Variants in PXK observed in about 807,000 individuals in gnomAD.
PXK encodes the protein PX domain-containing protein kinase-like protein.
Under a neutral mutation model 84.7 loss-of-function variants are expected in PXK, and 35 were observed. That is an observed-to-expected ratio of 0.41 (90% CI 0.32 to 0.55). The LOEUF is 0.55. Ranked by LOEUF, PXK falls within the 20% of genes least tolerant of loss-of-function variation. The pLI, the probability that PXK is intolerant of heterozygous loss-of-function variation, is 0.21. For synonymous variants in PXK, 253 were observed against 260.8 expected (o/e 0.97, Z 0.29); for missense variants, 634 against 699.7 (o/e 0.91, Z 1.06).
chr3:58,363,357 GTC>G, intron 1 of PXK, among the ~76,000 whole-genome samples: 1 of 152,170 alleles, frequency 6.6e-6, no homozygotes, highest in African/African-American at 2.4e-5. Context: ...TAATGACTGG[GTC>G]TCTCTCTTTT....
Position 58,379,472 on chromosome 3 carries a change from TA to T in PXK, c.202-3041del, listed in dbSNP as rs2098477547. ...ATTCTGGCAAAAAGGAGTCCTGGGA[TA>T]CCTCTGAAGTGTGGCCCTTAAATCC... is the stretch of plus-strand genomic sequence containing the variant. On this transcript the variant is annotated intron_variant, in intron 3 of 17. Transcript: ENST00000356151. The surrounding 1 kb of genome is among the most constrained non-coding windows in gnomAD (Gnocchi z 5.1). 6.2e-6 allele frequency: 1 copy of T among 160,506 alleles called. No homozygotes were observed. Among genetic ancestry groups the T allele is most frequent in the African/African-American group, 2.4e-5 (1 of 41,514 alleles). The allele number at this position is 160,506 out of a possible 1,614,324, so 9.9% of individuals were successfully genotyped here.
rs940486531 is a variant in PXK, at chr3:58,398,959, C to T, written c.1103-340C>T. Among the ~76,000 whole-genome samples the T allele has an allele frequency of 4.6e-5, 7 of 152,198 alleles. No individual in the cohort carries two copies. Among genetic ancestry groups the T allele is most frequent in the Admixed American group, 3.3e-4 (5 of 15,272 alleles). Reference sequence around the variant, plus strand: ...AGCAGGCAAGCAGCAAAATGTCTTTCAAGTTCAGAATTTTACTTCTGTGTA... The same window carrying T: ...AGCAGGCAAGCAGCAAAATGTCTTTTAAGTTCAGAATTTTACTTCTGTGTA... On this transcript the variant is annotated intron_variant, in intron 11 of 17. Coordinates refer to ENST00000356151, the MANE Select transcript of PXK (RefSeq NM_017771.5). The surrounding 1 kb of genome is among the most constrained non-coding windows in gnomAD (Gnocchi z 4.5).
intron 2 of PXK, among the ~76,000 whole-genome samples, chr3:58,367,135 A>G (rs1193111879): frequency 6.6e-6 from 1 of 152,192 alleles, no homozygotes; most frequent in Non-Finnish European, 1.5e-5. Context: ...GTGGGGTTGT[A>G]GGGGCAGAGA....
rs2061867141 is a variant in PXK at position 58,421,582 on chromosome 3, A to G, written c.1529-3170A>G. On this transcript the variant is annotated intron_variant, in intron 17 of 17. Transcript: ENST00000356151. The surrounding 1 kb of genome is among the most constrained non-coding windows in gnomAD (Gnocchi z 5.5). ...GCAACAGAGCGAGACTCCATCTCAGAAAAAAAGGAACTGGAGGGAGGGACC... is the reference window on the plus strand; with the variant it reads ...GCAACAGAGCGAGACTCCATCTCAGGAAAAAAGGAACTGGAGGGAGGGACC... 2.0e-6 allele frequency: 2 copies of G among 986,332 alleles called. No homozygotes were observed. Among genetic ancestry groups the G allele is most frequent in the African/African-American group, 1.7e-5 (1 of 57,252 alleles). The allele number at this position is 986,332 out of a possible 1,614,324, so 61.1% of individuals were successfully genotyped here. A position where few individuals can be genotyped will look rare whatever the true frequency, so the allele number is the denominator to read the frequency against.
At position 58,401,611 on chromosome 3, in the gene PXK, G is replaced by A. The variant is rs959521357; in HGVS notation, c.1181+2234G>A. On this transcript the variant is annotated intron_variant, in intron 12 of 17. Coordinates refer to ENST00000356151, the MANE Select transcript of PXK (RefSeq NM_017771.5). This position sits in a 1 kb window ranked among gnomAD's most constrained non-coding sequence, Gnocchi z 4.4. ...ACTGCACTCCAGCCTAGATGACAGA[G>A]TAAGACCCTGTCTCAAAAATAAAAC... Among the ~76,000 whole-genome samples, 3 of 151,970 alleles carry A rather than the reference G, an allele frequency of 2.0e-5. No individual in the cohort carries two copies.
At position 58,333,422 on chromosome 3, in the gene PXK, G is replaced by T. The variant is rs1218790945; in HGVS notation, c.102+332G>T. The T allele has an allele frequency of 2.6e-5, 9 of 343,600 alleles. No individual in the cohort carries two copies. Among genetic ancestry groups the T allele is most frequent in the South Asian group, 1.9e-4 (9 of 47,620 alleles). The allele number at this position is 343,600 out of a possible 1,614,324, so 21.3% of individuals were successfully genotyped here. A position where few individuals can be genotyped will look rare whatever the true frequency, so the allele number is the denominator to read the frequency against. Reference sequence around the variant, plus strand: ...TTCCCGGGCTCACCTTGGACTAGGGGAGCAGGAACGAGACCGCTCAGGACC... The same window carrying T: ...TTCCCGGGCTCACCTTGGACTAGGGTAGCAGGAACGAGACCGCTCAGGACC... On this transcript the variant is annotated intron_variant, in intron 1 of 17. Coordinates refer to ENST00000356151, the MANE Select transcript of PXK (RefSeq NM_017771.5). This position sits in a 1 kb window ranked among gnomAD's most constrained non-coding sequence, Gnocchi z 5.4.
rs528998790 is a variant in PXK at position 58,417,100 on chromosome 3, CTCA to C, written c.1528+4142_1528+4144del. Reference sequence around the variant, plus strand: ...TTAAATTTTTTGTAGAGACAGGGGTCTCATCATGTTGCCCAGGTTGGTATCAAA... The same window carrying C: ...TTAAATTTTTTGTAGAGACAGGGGTCTCATGTTGCCCAGGTTGGTATCAAA... On this transcript the variant is annotated intron_variant, in intron 17 of 17. Transcript: ENST00000356151. Among the ~76,000 whole-genome samples, 129 of 152,232 alleles carry C rather than the reference CTCA, an allele frequency of 8.5e-4. 4 individuals are homozygous for C. In the South Asian group the frequency reaches 0.026, roughly 30 times the overall value.
intron 1 of PXK, among the ~76,000 whole-genome samples, chr3:58,334,099 TG>T (rs2097545861): frequency 2.0e-5 from 3 of 152,202 alleles, no homozygotes; most frequent in Non-Finnish European, 4.4e-5. Flanking sequence ...GGTCATCATC[TG>T]GAGGCTAAAG....
Position 58,421,279 on chromosome 3 carries a change from C to G in PXK, c.1529-3473C>G. The G allele has an allele frequency of 2.0e-6, 2 of 985,302 alleles. No individual in the cohort carries two copies. Among genetic ancestry groups the G allele is most frequent in the Non-Finnish European group, 2.4e-6 (2 of 829,918 alleles). 61.0% of individuals were successfully genotyped at this position (985,302 alleles called of 1,614,324 possible). A position where few individuals can be genotyped will look rare whatever the true frequency, so the allele number is the denominator to read the frequency against. On this transcript the variant is annotated intron_variant, in intron 17 of 17. Coordinates refer to ENST00000356151, the MANE Select transcript of PXK (RefSeq NM_017771.5). The surrounding 1 kb of genome is among the most constrained non-coding windows in gnomAD (Gnocchi z 5.5). The stretch of plus-strand genomic sequence containing the variant: ...CCCACTGCTGGCTGCTAACATGGGC[C>G]TAAGAGTCGGTGGGGAAGGGAGCCA...
chr3:58,336,047 ATATATATATATATATATATATATAT>A (rs1234425212), intron 1 of PXK, among the ~76,000 whole-genome samples: 5 of 46,162 alleles, frequency 1.1e-4, no homozygotes, highest in Non-Finnish European at 2.0e-4. Flanking sequence ...ACATATATAT[ATATATATATATATATATATATATAT>A]TTTTTTTTTT....
intron 3 of PXK, among the ~76,000 whole-genome samples, chr3:58,372,671 A>G (rs1357211535): frequency 1.4e-5 from 2 of 146,940 alleles, no homozygotes; most frequent in Non-Finnish European, 3.0e-5. Context: ...CTGTCACCCA[A>G]ACTGGAATGC....
At chr3:58,341,929 C>T (rs2097740283) in intron 1 of PXK, among the ~76,000 whole-genome samples, 1 of 152,090 alleles carries the variant, frequency 6.6e-6, no homozygotes, top group African/African-American at 2.4e-5. Context: ...GTCTCAAACT[C>T]CTGACCTCAG....
chr3:58,391,912 A>G, intron 7 of PXK, 65 bp downstream of exon 7: 1 of 1,429,696 alleles, frequency 7.0e-7, no homozygotes, highest in African/African-American at 1.4e-5. Flanking sequence ...TTTCTGGGTG[A>G]ACATGGACAG....
chr3:58,369,085 AC>A (rs1263836413), intron 2 of PXK, among the ~76,000 whole-genome samples: 1 of 63,336 alleles, frequency 1.6e-5, no homozygotes, highest in African/African-American at 4.8e-5. Context: ...GCTCAGTAAA[AC>A]TTTTTTTTTT....
intron 17 of PXK, chr3:58,422,120 A>G (rs958807718): frequency 1.0e-6 from 1 of 985,230 alleles, no homozygotes; most frequent in Non-Finnish European, 1.2e-6. Context: ...TTGTAGCTGA[A>G]GCCCCAACGG....
In PXK at chr3:58,391,195, C is replaced by A; in HGVS notation, c.515C>A (p.Pro172Gln). 6.2e-7 allele frequency: 1 copy of A among 1,613,650 alleles called. No homozygotes were observed. Among genetic ancestry groups the A allele is most frequent in the South Asian group, 1.1e-5 (1 of 91,036 alleles). ...KYFLMKIKNQPKERLVLSWAD... is the reference protein window; with the variant it reads ...KYFLMKIKNQQKERLVLSWAD... The stretch of plus-strand genomic sequence containing the variant: ...TTCTTGATGAAGATTAAAAATCAGC[C>A]AAAGGAACGGCTAGTGTTAAGCTGG... The change falls in exon 6 of 18, where the codon CCA becomes CAA. Residue 172 changes from proline to glutamine, a missense_variant. Transcript: ENST00000356151.
Position 58,424,830 on chromosome 3 carries a change from C to G in PXK, c.1607C>G (p.Pro536Arg). The change falls in exon 18 of 18, where the codon CCT becomes CGT. Residue 536 changes from proline (P) to arginine (R), a missense_variant. Physicochemically the swap from Pro to Arg is moderately radical, Grantham distance 103 (BLOSUM62 -2). Around this residue, in one of 3 missense-constraint regions of PXK, gnomAD observed 273 missense variants for 283.6 expected, o/e 0.96. Coordinates refer to ENST00000356151, the MANE Select transcript of PXK (RefSeq NM_017771.5). ...APLPPASTEA[P>R]AQLSSQAVNG... Reference sequence around the variant, plus strand: ...TTGCCTCCTGCGAGCACCGAGGCACCTGCCCAGCTCTCGTCTCAGGCTGTG... The same window carrying G: ...TTGCCTCCTGCGAGCACCGAGGCACGTGCCCAGCTCTCGTCTCAGGCTGTG... 6.2e-7 allele frequency: 1 copy of G among 1,614,228 alleles called. No homozygotes were observed. The highest frequency in any genetic ancestry group is 1.1e-5 in the South Asian group (1 of 91,080).
In PXK at chr3:58,421,900, A is replaced by G. The variant is rs1352280428; in HGVS notation, c.1529-2852A>G. The G allele has an allele frequency of 7.1e-6, 7 of 985,308 alleles. No homozygotes were observed. Among genetic ancestry groups the G allele is most frequent in the African/African-American group, 1.7e-5 (1 of 57,250 alleles). 61.0% of individuals were successfully genotyped at this position (985,308 alleles called of 1,614,324 possible). A position where few individuals can be genotyped will look rare whatever the true frequency, so the allele number is the denominator to read the frequency against. On this transcript the variant is annotated intron_variant, in intron 17 of 17. Transcript: ENST00000356151. This position sits in a 1 kb window ranked among gnomAD's most constrained non-coding sequence, Gnocchi z 5.5. ...CTTCCTGGGTGCAAATTCAGGTATC[A>G]TAAGTCTAACATGGAATCGGTCTGC...
At chr3:58,424,720 T>C in intron 17 of PXK, 32 bp from the exon 18 acceptor site, 1 of 1,604,222 alleles carries the variant, frequency 6.2e-7, no homozygotes, top group East Asian at 2.2e-5. Flanking sequence ...GCTGTGGAGG[T>C]GAATACTGAT....
Sources: allele counts gnomAD v4.1 joint callset (sites outside exome capture counted in the v4.1 genomes callset), GRCh38; gene constraint gnomAD v4.1.1; regional missense constraint gnomAD v4.1.1; non-coding constraint Gnocchi (gnomAD v3.1); transcripts MANE v1.5; gene names NCBI Gene and HGNC (gene_info 2026-07-23, HGNC 2026-07-21).